Variants in MAP3K5 observed in about 807,000 individuals in gnomAD.
MAP3K5 encodes the protein mitogen-activated protein kinase kinase kinase 5.
Under a neutral mutation model 158.7 loss-of-function variants are expected in MAP3K5, and 56 were observed. The ratio of observed to expected loss-of-function variants is 0.35; its 90% CI spans 0.28 to 0.44. The LOEUF is 0.44. Among genes scored for constraint, MAP3K5 ranks in the 20% least tolerant of loss-of-function variants. MAP3K5 has a pLI of 1.00. For missense variants in MAP3K5, 1,294 were observed against 1,674.8 expected, an observed-to-expected ratio of 0.77 and a Z score of 3.97; for synonymous variants, 579 against 601.7, an observed-to-expected ratio of 0.96 and a Z score of 0.55.
At chr6:136,716,694 A>T (rs1450897675) in intron 2 of MAP3K5, among the ~76,000 whole-genome samples, 6 of 152,338 alleles carry the variant, frequency 3.9e-5, no homozygotes. Context: ...ATCATTTCAT[A>T]ATGCATGAAA....
intron 2 of MAP3K5, among the ~76,000 whole-genome samples, chr6:136,716,113 A>C (rs1287229033): frequency 7.1e-6 from 1 of 141,214 alleles, no homozygotes; most frequent in East Asian, 2.4e-4. Flanking sequence ...TGGGAGGAGG[A>C]GCTATTATAA....
At chr6:136,757,627 G>A (rs1783564568) in intron 1 of MAP3K5, among the ~76,000 whole-genome samples, 1 of 128,078 alleles carries the variant, frequency 7.8e-6, no homozygotes, top group Non-Finnish European at 1.6e-5. Flanking sequence ...CGCTCTTGCT[G>A]CCCAGGCTGG....
intron 7 of MAP3K5, among the ~76,000 whole-genome samples, chr6:136,674,443 A>G (rs1382364008): frequency 6.6e-6 from 1 of 152,082 alleles, no homozygotes; most frequent in Non-Finnish European, 1.5e-5. Context: ...GGGAATACTC[A>G]AAGAATAATA....
chr6:136,779,390 C>G (rs1163424446), intron 1 of MAP3K5, among the ~76,000 whole-genome samples: 2 of 149,884 alleles, frequency 1.3e-5, no homozygotes, highest in Non-Finnish European at 2.9e-5. Context: ...CTGCAGTGAG[C>G]CATGATCATG....
chr6:136,680,712 T>C (rs564997579), intron 7 of MAP3K5, among the ~76,000 whole-genome samples: 5 of 152,362 alleles, frequency 3.3e-5, no homozygotes, highest in African/African-American at 9.6e-5. Context: ...TCTTTGCCAA[T>C]TGATTACAAC....
intron 1 of MAP3K5, among the ~76,000 whole-genome samples, chr6:136,749,372 CAAAAAAAAA>C (rs568913197): frequency 1.1e-5 from 1 of 87,532 alleles, no homozygotes. Flanking sequence ...AACTCTGTAT[CAAAAAAAAA>C]AAAAAAAAGG....
At chr6:136,644,711 A>C (rs1035592198) in intron 11 of MAP3K5, among the ~76,000 whole-genome samples, 8 of 152,232 alleles carry the variant, frequency 5.3e-5, no homozygotes, top group Admixed American at 5.2e-4. Context: ...GAAACTGATT[A>C]GTCTAAATTG....
At chr6:136,727,833 G>T (rs1782035144) in intron 1 of MAP3K5, among the ~76,000 whole-genome samples, 1 of 152,040 alleles carries the variant, frequency 6.6e-6, no homozygotes, top group South Asian at 2.1e-4. Context: ...GTGGTGGCAG[G>T]TGCCTGTAGT....
At position 136,756,562 on chromosome 6, in the gene MAP3K5, A is replaced by C. The variant is rs563979523; in HGVS notation, c.448+35148T>G. Among the ~76,000 whole-genome samples, 4 of 152,248 alleles carry C rather than the reference A, an allele frequency of 2.6e-5. No individual in the cohort carries two copies. The South Asian group carries it at 8.3e-4, about 32-fold the overall frequency. ...CTCCCTGCAACCTCCGCCTCCCGGAAGGGTATTGCCTGTGTTGTACTCATC... is the reference window on the plus strand; with the variant it reads ...CTCCCTGCAACCTCCGCCTCCCGGACGGGTATTGCCTGTGTTGTACTCATC... On this transcript the variant is annotated intron_variant, in intron 1 of 29. Coordinates refer to ENST00000359015, the MANE Select transcript of MAP3K5 (RefSeq NM_005923.4).
In MAP3K5 at chr6:136,792,193, C is replaced by A. The variant is rs768453194; in HGVS notation, c.-36G>T. ...CGGGCAGCAACGGCGGCGGCGTCCCCCGCCCAGCCGCACCGCCTGGCCAGC... is the reference window on the plus strand; with the variant it reads ...CGGGCAGCAACGGCGGCGGCGTCCCACGCCCAGCCGCACCGCCTGGCCAGC... On this transcript the variant is annotated 5_prime_UTR_variant, in exon 1 of 30. Coordinates refer to ENST00000359015, the MANE Select transcript of MAP3K5 (RefSeq NM_005923.4). This position sits in a 1 kb window ranked among gnomAD's most constrained non-coding sequence, Gnocchi z 5.7. 1.3e-6 allele frequency: 2 copies of A among 1,522,232 alleles called. No individual in the cohort carries two copies. Among genetic ancestry groups the A allele is most frequent in the African/African-American group, 1.4e-5 (1 of 70,238 alleles). 94.3% of individuals were successfully genotyped at this position (1,522,232 alleles called of 1,614,324 possible).
At position 136,694,553 on chromosome 6, in the gene MAP3K5, G is replaced by A. The variant is rs1253511471; in HGVS notation, c.1083-243C>T. On this transcript the variant is annotated intron_variant, in intron 6 of 29. Transcript: ENST00000359015. Reference sequence around the variant, plus strand: ...AGTTTCTGTGTTAATAATGGTGATGGATTTGTACTTACTCATCCACAATCC... The same window carrying A: ...AGTTTCTGTGTTAATAATGGTGATGAATTTGTACTTACTCATCCACAATCC... Among the ~76,000 whole-genome samples, 4 of 152,158 alleles carry A rather than the reference G, an allele frequency of 2.6e-5. No homozygotes were observed. The South Asian group carries it at 6.2e-4, about 24-fold the overall frequency.
chr6:136,745,462 T>C (rs545386613), intron 1 of MAP3K5, among the ~76,000 whole-genome samples: 3 of 152,280 alleles, frequency 2.0e-5, no homozygotes, highest in East Asian at 1.9e-4. Context: ...GCCAGCTCCC[T>C]GCCTCTGGCT....
At chr6:136,699,776 CAT>C (rs1200883369) in intron 3 of MAP3K5, among the ~76,000 whole-genome samples, 1 of 152,140 alleles carries the variant, frequency 6.6e-6, no homozygotes, top group African/African-American at 2.4e-5. Flanking sequence ...AATGCAGAAT[CAT>C]AGAAGGATCC....
chr6:136,668,225 A>T (rs7766726), intron 8 of MAP3K5, among the ~76,000 whole-genome samples: 91,404 of 151,598 alleles, frequency 0.6, 27,819 homozygotes, highest in South Asian at 0.72. Context: ...ATAAAAAAAA[A>T]TTTTTTTAAT....
At chr6:136,636,171 G>A (rs1217536228) in intron 14 of MAP3K5, among the ~76,000 whole-genome samples, 1 of 152,064 alleles carries the variant, frequency 6.6e-6, no homozygotes, top group Admixed American at 6.6e-5. Flanking sequence ...TGAGGCCTTT[G>A]GGAGGTGATT....
chr6:136,635,046 T>C (rs1777554975), intron 14 of MAP3K5, among the ~76,000 whole-genome samples: 1 of 151,422 alleles, frequency 6.6e-6, no homozygotes, highest in Non-Finnish European at 1.5e-5. Flanking sequence ...CACCACAGCC[T>C]GGCTAGGCTA....
At chr6:136,656,576 C>A in intron 9 of MAP3K5, 116 bp from the exon 10 acceptor site, 1 of 640,046 alleles carries the variant, frequency 1.6e-6, no homozygotes, top group South Asian at 2.2e-5. Context: ...GTTATGCATT[C>A]AGATTCACCG....
chr6:136,646,824 T>C (rs955393005), intron 11 of MAP3K5, among the ~76,000 whole-genome samples: 4 of 152,370 alleles, frequency 2.6e-5, no homozygotes, highest in Non-Finnish European at 5.9e-5. Context: ...ATCACTAACA[T>C]GTATATAGAC....
chr6:136,769,763 GGAAGGAAGGAAGGA>G (rs1784105013), intron 1 of MAP3K5, among the ~76,000 whole-genome samples: 3 of 36,798 alleles, frequency 8.2e-5, no homozygotes, highest in African/African-American at 4.0e-4. Context: ...AAGGAAGGAA[GGAAGGAAGGAAGGA>G]AGGAAGGAAG....
Sources: gnomAD v4.1 joint callset for allele counts (sites outside exome capture counted in the v4.1 genomes callset) on GRCh38, gnomAD v4.1.1 for gene constraint, Gnocchi (gnomAD v3.1) non-coding constraint, MANE v1.5 for transcripts, NCBI Gene and HGNC (gene_info 2026-07-23, HGNC 2026-07-21) for gene names.